The following GRID1 variants were observed in gnomAD, a reference collection of about 807,000 sequenced individuals.
The protein encoded by GRID1 is glutamate receptor ionotropic, delta-1.
A neutral mutation model predicts 98.0 loss-of-function variants in GRID1; 28 were observed. The observed-to-expected ratio is 0.29, with a 90% confidence interval of 0.21 to 0.39. GRID1 has a LOEUF of 0.39. GRID1 is among the 10% of genes least tolerant of loss of function. The probability of loss-of-function intolerance (pLI) is 1.00; values close to 1 mark genes in which losing one functional copy is unlikely to be tolerated. For missense variants in GRID1, 1,111 were observed against 1,340.5 expected, an observed-to-expected ratio of 0.83 and a Z score of 2.67; for synonymous variants, 553 against 538.5, an observed-to-expected ratio of 1.03 and a Z score of -0.37.
chr10:85,614,459 C>G (rs1336699723), intron 14 of GRID1, among the ~76,000 whole-genome samples: 1 of 152,182 alleles, frequency 6.6e-6, no homozygotes, highest in South Asian at 2.1e-4. Context: ...CATGCCAGTC[C>G]TTTGAGATGG....
chr10:85,682,791 T>A (rs1338284163), intron 12 of GRID1, among the ~76,000 whole-genome samples: 1 of 152,188 alleles, frequency 6.6e-6, no homozygotes, highest in Non-Finnish European at 1.5e-5. Context: ...TGAGTCCCTG[T>A]ATCTGATGTG....
intron 4 of GRID1, among the ~76,000 whole-genome samples, chr10:85,940,390 G>A (rs930228732): frequency 6.6e-6 from 1 of 152,192 alleles, no homozygotes. Context: ...TTAGGAAGCT[G>A]AGCTGAGAGT....
intron 2 of GRID1, among the ~76,000 whole-genome samples, chr10:86,292,537 G>T (rs1847529740): frequency 6.6e-6 from 1 of 152,202 alleles, no homozygotes; most frequent in African/African-American, 2.4e-5. Context: ...ACCTCCTCTG[G>T]TCCCATGGAG....
chr10:86,357,310 T>C (rs1848546246), intron 2 of GRID1, among the ~76,000 whole-genome samples: 1 of 152,164 alleles, frequency 6.6e-6, no homozygotes, highest in South Asian at 2.1e-4. Context: ...GAAAGGACAG[T>C]ATCCCAGAGG....
At chr10:85,731,255 C>A (rs985973002) in intron 8 of GRID1, among the ~76,000 whole-genome samples, 1 of 151,876 alleles carries the variant, frequency 6.6e-6, no homozygotes, top group African/African-American at 2.4e-5. Context: ...CCCACCAAGA[C>A]CCACTCCATC....
intron 4 of GRID1, among the ~76,000 whole-genome samples, chr10:86,067,140 T>G (rs988542046): frequency 3.9e-5 from 6 of 152,340 alleles, no homozygotes; most frequent in South Asian, 2.1e-4. Context: ...TAGCGTGAGA[T>G]AATGCCACTG....
intron 12 of GRID1, among the ~76,000 whole-genome samples, chr10:85,702,312 A>G (rs950482901): frequency 6.6e-6 from 1 of 152,054 alleles, no homozygotes; most frequent in Non-Finnish European, 1.5e-5. Context: ...TATTGCTAAA[A>G]GGCATGTGAA....
intron 11 of GRID1, 47 bp from the exon 12 acceptor site, chr10:85,723,188 C>T: frequency 1.9e-6 from 3 of 1,556,574 alleles, no homozygotes; most frequent in Non-Finnish European, 2.6e-6. Flanking sequence ...TCTGCTCTCC[C>T]TCCTATCCCC....
intron 2 of GRID1, among the ~76,000 whole-genome samples, chr10:86,230,438 A>T (rs1846432671): frequency 6.6e-6 from 1 of 152,244 alleles, no homozygotes; most frequent in Admixed American, 6.5e-5. Context: ...CACCCCTCCC[A>T]GAAGCCACTC....
At chr10:85,811,025 C>T (rs952959878) in intron 8 of GRID1, among the ~76,000 whole-genome samples, 2 of 152,188 alleles carry the variant, frequency 1.3e-5, no homozygotes, top group Non-Finnish European at 2.9e-5. Context: ...TGTGTTCATG[C>T]ATACACCCTA....
At chr10:86,285,246 G>A (rs544239710) in intron 2 of GRID1, among the ~76,000 whole-genome samples, 3 of 152,276 alleles carry the variant, frequency 2.0e-5, no homozygotes, top group African/African-American at 4.8e-5. Context: ...AGTTGACAGC[G>A]ATGGCTCTGA....
intron 4 of GRID1, among the ~76,000 whole-genome samples, chr10:85,917,830 G>A (rs183666478): frequency 2.6e-4 from 40 of 152,300 alleles, no homozygotes; most frequent in African/African-American, 8.4e-4. Context: ...TCAGTTAACC[G>A]GGCTCTCTCC....
At chr10:85,626,348 G>T (rs1448525225) in intron 13 of GRID1, among the ~76,000 whole-genome samples, 1 of 152,202 alleles carries the variant, frequency 6.6e-6, no homozygotes, top group Non-Finnish European at 1.5e-5. Context: ...CTCTGCCCTG[G>T]TTAGACTTAT....
In GRID1 at chr10:85,613,622, C is replaced by T. The variant is rs1247733826; in HGVS notation, c.2386G>A (p.Asp796Asn). ...CACTTCTGCTTCAGCACATCCAGGT[C>T]CCCTGTGTCCTGCAGCTCCAGGATC... is the stretch of plus-strand genomic sequence containing the variant. ...QRILELQDTG[D>N]LDVLKQKWWP... Residue 796 changes from aspartate (D) to asparagine (N), a missense_variant, in exon 15 of 16, where the codon GAC (aspartate) becomes AAC (asparagine). This residue lies in a region of GRID1 where 762 missense variants were observed against 869.1 expected (regional missense o/e 0.88). Transcript: ENST00000327946. The T allele has an allele frequency of 6.2e-7, 1 of 1,613,956 alleles. No individual in the cohort carries two copies. Among genetic ancestry groups the T allele is most frequent in the Non-Finnish European group, 8.5e-7 (1 of 1,179,862 alleles).
intron 3 of GRID1, among the ~76,000 whole-genome samples, chr10:86,194,276 C>G (rs763660533): frequency 6.6e-6 from 1 of 152,096 alleles, no homozygotes; most frequent in African/African-American, 2.4e-5. Flanking sequence ...CGGCCAAGAA[C>G]TAGAAGCCAC....
intron 3 of GRID1, among the ~76,000 whole-genome samples, chr10:86,153,201 GAAGGCC>G (rs1845194745): frequency 6.6e-6 from 1 of 152,144 alleles, no homozygotes; most frequent in African/African-American, 2.4e-5. Flanking sequence ...GGGTGCAAAG[GAAGGCC>G]TCCCTGACTG....
rs113463604 is a variant in GRID1, at chr10:85,753,843, G to A, written c.1234-24229C>T. Among the ~76,000 whole-genome samples, 376 of 152,270 alleles carry A rather than the reference G, an allele frequency of 2.5e-3. 1 individual carries two copies. The highest frequency in any genetic ancestry group is 8.3e-3 in the African/African-American group (347 of 41,558). On this transcript the variant is annotated intron_variant, in intron 8 of 15. Coordinates refer to ENST00000327946, the MANE Select transcript of GRID1 (RefSeq NM_017551.3). ...GAGGCCTCCCTTCTTCTTGTGTTCCGGAAGGATTGCAAGGTGATACACCAA... is the reference window on the plus strand; with the variant it reads ...GAGGCCTCCCTTCTTCTTGTGTTCCAGAAGGATTGCAAGGTGATACACCAA...
At chr10:85,886,026 C>T (rs1417607902) in intron 5 of GRID1, among the ~76,000 whole-genome samples, 1 of 152,152 alleles carries the variant, frequency 6.6e-6, no homozygotes, top group Non-Finnish European at 1.5e-5. Flanking sequence ...CCAGGATACC[C>T]AGAACCAGAG....
At chr10:86,073,117 G>A (rs1843827699) in intron 4 of GRID1, among the ~76,000 whole-genome samples, 1 of 152,208 alleles carries the variant, frequency 6.6e-6, no homozygotes, top group Non-Finnish European at 1.5e-5. Context: ...TTGTTGAAGG[G>A]ATTTAGGAGG....
Sources: gnomAD v4.1 joint callset for allele counts (sites outside exome capture counted in the v4.1 genomes callset) on GRCh38, gnomAD v4.1.1 for gene constraint, gnomAD v4.1.1 regional missense constraint, MANE v1.5 for transcripts, NCBI Gene and HGNC (gene_info 2026-07-23, HGNC 2026-07-21) for gene names.